Variants in PWWP3A observed in about 807,000 individuals in gnomAD.
PWWP3A encodes the protein PWWP domain-containing DNA repair factor 3A.
Under a neutral mutation model 79.0 loss-of-function variants are expected in PWWP3A, and 53 were observed. That is an observed-to-expected ratio of 0.67 (90% CI 0.54 to 0.84). The LOEUF is 0.84. Among genes scored for constraint, PWWP3A ranks in the 40% least tolerant of loss-of-function variants. The pLI is 0.00. For missense variants in PWWP3A, 973 were observed against 948.0 expected (o/e 1.03, Z -0.35); for synonymous variants, 443 against 394.4 (o/e 1.12, Z -1.46).
At position 1,370,738 on chromosome 19, in the gene PWWP3A, C is replaced by T; in HGVS notation, c.1646C>T (p.Pro549Leu). Residue 549 changes from proline (P) to leucine (L), a missense_variant, in exon 12 of 14, where the codon CCC (proline) becomes CTC (leucine). Coordinates refer to ENST00000591337, the MANE Select transcript of PWWP3A (RefSeq NM_001369789.1). ...CCCGAGGAGCCCGTGGTGGGGTGCC[C>T]CCTGGGGCAGAGGCAGCCCTGCCGG... ...GSPEEPVVGC[P>L]LGQRQPCRKM... 1.3e-6 allele frequency: 2 copies of T among 1,490,476 alleles called. No individual in the cohort carries two copies. Among genetic ancestry groups the T allele is most frequent in the Non-Finnish European group, 1.8e-6 (2 of 1,116,232 alleles). The allele number at this position is 1,490,476 out of a possible 1,614,324, so 92.3% of individuals were successfully genotyped here.
chr19:1,362,110 G>C (rs2082029838), intron 5 of PWWP3A, 140 bp from the exon 6 acceptor site: 1 of 537,976 alleles, frequency 1.9e-6, no homozygotes. Context: ...CACTCTGTTT[G>C]AATTTGGCAG....
At chr19:1,364,993 G>A (rs536637882) in intron 7 of PWWP3A, among the ~76,000 whole-genome samples, 157 of 152,222 alleles carry the variant, frequency 1.0e-3, no homozygotes, top group South Asian at 1.7e-3. Flanking sequence ...GGTGGCGTGC[G>A]CCTGTAATCC....
In PWWP3A at chr19:1,369,538, C is replaced by T. The variant is rs1445211175; in HGVS notation, c.1499-58C>T. On this transcript the variant is annotated intron_variant, in intron 10 of 13. Coordinates refer to ENST00000591337, the MANE Select transcript of PWWP3A (RefSeq NM_001369789.1). The surrounding 1 kb of genome is among the most constrained non-coding windows in gnomAD (Gnocchi z 4.0). ...AGACGCCGGGCCAGCCCCTGGAACACACTTCCTGGGACTCCTCTTAGGTCT... is the reference window on the plus strand; with the variant it reads ...AGACGCCGGGCCAGCCCCTGGAACATACTTCCTGGGACTCCTCTTAGGTCT... 1.9e-6 allele frequency: 3 copies of T among 1,589,456 alleles called. No homozygotes were observed. Among genetic ancestry groups the T allele is most frequent in the African/African-American group, 2.7e-5 (2 of 74,376 alleles).
intron 5 of PWWP3A, 80 bp from the exon 6 acceptor site, chr19:1,362,170 T>C (rs1312597461): frequency 1.3e-5 from 15 of 1,185,946 alleles, no homozygotes; most frequent in Non-Finnish European, 1.6e-5. Context: ...TCGATGGTCA[T>C]GTGTCATGAA....
chr19:1,356,161 G>T, intron 1 of PWWP3A, 163 bp from the exon 2 acceptor site: 2 of 549,924 alleles, frequency 3.6e-6, no homozygotes, highest in Non-Finnish European at 6.5e-6. Flanking sequence ...CGTCGTTTCT[G>T]TTTGTCAGTC....
In PWWP3A at chr19:1,362,317, A is replaced by G; in HGVS notation, c.1179A>G (p.Glu393=). 1 of 1,614,058 alleles carries G rather than the reference A, an allele frequency of 6.2e-7. No homozygotes were observed. Among genetic ancestry groups the G allele is most frequent in the South Asian group, 1.1e-5 (1 of 91,070 alleles). ...SMRSILEEDE[E]DEEPPRVLLY... is the part of the protein sequence containing the mutation. ...GTTCTATCCTGGAGGAAGACGAGGA[A>G]GACGAGGAGCCACCAAGAGTCCTTT... Residue 393 remains glutamate (E), a synonymous_variant, in exon 6 of 14, where the codon GAA becomes GAG. Transcript: ENST00000591337.
Position 1,369,313 on chromosome 19 carries a change from C to T in PWWP3A, c.1471C>T (p.Leu491Phe). The T allele has an allele frequency of 6.2e-7, 1 of 1,613,944 alleles. No homozygotes were observed. Among genetic ancestry groups the T allele is most frequent in the Non-Finnish European group, 8.5e-7 (1 of 1,180,018 alleles). The change falls in exon 10 of 14, where the codon CTC becomes TTC. Residue 491 changes from leucine (L) to phenylalanine (F), a missense_variant. By Grantham distance (22) the Leu-to-Phe change is conservative. Transcript: ENST00000591337. The surrounding 1 kb of genome is among the most constrained non-coding windows in gnomAD (Gnocchi z 4.0). ...FNQDIGWCVSLITDYRVRLGC... is the reference protein window; with the variant it reads ...FNQDIGWCVSFITDYRVRLGC... ...CCAGGACATCGGCTGGTGTGTCTCC[C>T]TCATCACCGACTACAGGGTCCGGTT...
chr19:1,355,316 CTT>C (rs977704366), intron 1 of PWWP3A, among the ~76,000 whole-genome samples, 181 bp downstream of exon 1: 124 of 152,092 alleles, frequency 8.2e-4, no homozygotes, highest in Non-Finnish European at 1.6e-3. Context: ...GGGCCCCTCA[CTT>C]TGCCTGGACT....
At chr19:1,357,399 C>CT (rs66856576) in intron 3 of PWWP3A, 13,195 of 127,890 alleles carry the variant, frequency 0.1, 825 homozygotes, top group African/African-American at 0.13. Context: ...GGGATATTTC[C>CT]TTTTTTTTTT....
In PWWP3A at chr19:1,362,347, C is replaced by T. The variant is rs2082036233; in HGVS notation, c.1209C>T (p.Tyr403=). Residue 403 remains tyrosine, a synonymous_variant, in exon 6 of 14, where the codon TAC becomes TAT. Transcript: ENST00000591337. ...AGGAGCCACCAAGAGTCCTTTTATACCACGGTAAGAAATGATCAGGGGGCG... is the reference window on the plus strand; with the variant it reads ...AGGAGCCACCAAGAGTCCTTTTATATCACGGTAAGAAATGATCAGGGGGCG... The part of the protein sequence containing the change: ...EDEEPPRVLL[Y]HEPRSFEVGM... The T allele has an allele frequency of 6.2e-7, 1 of 1,613,176 alleles. No individual in the cohort carries two copies. Among genetic ancestry groups the T allele is most frequent in the African/African-American group, 1.3e-5 (1 of 74,854 alleles).
In PWWP3A at chr19:1,362,223, G is replaced by C. The variant is rs1167853152; in HGVS notation, c.1112-27G>C. ...GTCATCAAGACAATGCAATGACCAT[G>C]AAAGTCTAATATCACATTATTGGCA... On this transcript the variant is annotated intron_variant, in intron 5 of 13. Transcript: ENST00000591337. 1.9e-6 allele frequency: 3 copies of C among 1,583,350 alleles called. No homozygotes were observed. In the East Asian group the frequency reaches 6.7e-5, roughly 35 times the overall value.
chr19:1,366,067 T>C (rs2082121056), intron 7 of PWWP3A, among the ~76,000 whole-genome samples: 1 of 152,228 alleles, frequency 6.6e-6, no homozygotes, highest in Non-Finnish European at 1.5e-5. Flanking sequence ...TGTGGTTCTT[T>C]TTATTCAAAA....
chr19:1,361,151 ATAGACT>A (rs1299665426), intron 5 of PWWP3A, 119 bp downstream of exon 5: 21 of 1,013,426 alleles, frequency 2.1e-5, no homozygotes, highest in African/African-American at 3.4e-5. Context: ...CGTTGCCAAA[ATAGACT>A]TAGAGCAGAG....
chr19:1,367,304 C>A lies in PWWP3A; in HGVS notation c.1422+84C>A. On this transcript the variant is annotated intron_variant, in intron 9 of 13. Transcript: ENST00000591337. ...GTCCTCTGTGTGTAGCTCTTGAAAT[C>A]CATGGCTGCGGTGTACGCGTGTGAA... is the stretch of plus-strand genomic sequence containing the variant. The A allele has an allele frequency of 3.3e-6, 4 of 1,207,342 alleles. No homozygotes were observed. In the South Asian group the frequency reaches 3.9e-5, roughly 12 times the overall value. 74.8% of individuals were successfully genotyped at this position (1,207,342 alleles called of 1,614,324 possible). A position where few individuals can be genotyped will look rare whatever the true frequency, so the allele number is the denominator to read the frequency against.
intron 3 of PWWP3A, 88 bp from the exon 4 acceptor site, chr19:1,358,306 A>T: frequency 8.0e-7 from 1 of 1,257,156 alleles, no homozygotes; most frequent in Non-Finnish European, 1.1e-6. Context: ...AAATGAAAAT[A>T]ATTCTTTTGT....
chr19:1,374,739 C>T (rs1447259443), intron 13 of PWWP3A, among the ~76,000 whole-genome samples: 1 of 152,082 alleles, frequency 6.6e-6, no homozygotes, highest in African/African-American at 2.4e-5. Flanking sequence ...ATCTCATACT[C>T]TTTCGTAAAA....
At chr19:1,361,312 C>T (rs950075997) in intron 5 of PWWP3A, among the ~76,000 whole-genome samples, 2 of 152,194 alleles carry the variant, frequency 1.3e-5, no homozygotes, top group Non-Finnish European at 1.5e-5. Context: ...CGATTGTCTG[C>T]GGCGCGGCTG....
chr19:1,375,532 T>TTATATATAAAATATATATATATAAA (rs1568965261), intron 13 of PWWP3A, among the ~76,000 whole-genome samples: 2 of 112,070 alleles, frequency 1.8e-5, no homozygotes, highest in Non-Finnish European at 1.8e-5. Context: ...ATATAATTTA[T>TTATATATAAAATATATATATATAAA]ATATTTTATA....
chr19:1,369,497 A>T lies in PWWP3A; in HGVS notation c.1499-99A>T, dbSNP rs1234112273. On this transcript the variant is annotated intron_variant, in intron 10 of 13. Coordinates refer to ENST00000591337, the MANE Select transcript of PWWP3A (RefSeq NM_001369789.1). The surrounding 1 kb of genome is among the most constrained non-coding windows in gnomAD (Gnocchi z 4.0). Reference sequence around the variant, plus strand: ...TGGGCTGGGGTTCTGGCCTGGCCTGATTATTTCCTAAACAGAGACGCCGGG... The same window carrying T: ...TGGGCTGGGGTTCTGGCCTGGCCTGTTTATTTCCTAAACAGAGACGCCGGG... 1.3e-6 allele frequency: 2 copies of T among 1,531,868 alleles called. No individual in the cohort carries two copies. 94.9% of individuals were successfully genotyped at this position (1,531,868 alleles called of 1,614,324 possible).
Sources: gnomAD v4.1 joint callset for allele counts (sites outside exome capture counted in the v4.1 genomes callset) on GRCh38, gnomAD v4.1.1 for gene constraint, Gnocchi (gnomAD v3.1) non-coding constraint, MANE v1.5 for transcripts, NCBI Gene and HGNC (gene_info 2026-07-23, HGNC 2026-07-21) for gene names.